PCSK5: variants seen among roughly 807,000 people sequenced by gnomAD.
PCSK5 encodes the protein prohormone convertase 5.
PCSK5 carries 129 observed loss-of-function variants against 233.2 expected under a neutral mutation model. The observed-to-expected ratio is 0.55, with a 90% CI of 0.48 to 0.64. PCSK5 has a LOEUF of 0.64. Ranked by LOEUF, PCSK5 falls within the 30% of genes least tolerant of loss-of-function variation. PCSK5 has a pLI of 0.00. For missense variants in PCSK5, 2,076 were observed against 2,430.1 expected (o/e 0.85, Z 3.06); for synonymous variants, 825 against 879.2 (o/e 0.94, Z 1.09).
intron 10 of PCSK5, among the ~76,000 whole-genome samples, chr9:76,152,239 A>T (rs1183623054): frequency 6.6e-6 from 1 of 152,160 alleles, no homozygotes; most frequent in Non-Finnish European, 1.5e-5. Flanking sequence ...CCCAGGAATG[A>T]GGGAATTCCC....
chr9:76,058,148 C>A (rs1290634092), intron 5 of PCSK5, among the ~76,000 whole-genome samples: 1 of 152,166 alleles, frequency 6.6e-6, no homozygotes, highest in Non-Finnish European at 1.5e-5. Context: ...CATGCCCGAC[C>A]TTAAGGGACT....
At chr9:75,898,692 G>A (rs1380327551) in intron 1 of PCSK5, among the ~76,000 whole-genome samples, 1 of 150,604 alleles carries the variant, frequency 6.6e-6, no homozygotes, top group African/African-American at 2.4e-5. Context: ...CTAGAGATCA[G>A]GTTTTATAGG....
At chr9:76,083,170 T>C (rs926365974) in intron 7 of PCSK5, among the ~76,000 whole-genome samples, 3 of 137,476 alleles carry the variant, frequency 2.2e-5, no homozygotes, top group Non-Finnish European at 4.5e-5. Context: ...AATTGGGCCA[T>C]TGCACTCCAG....
At position 76,078,566 on chromosome 9, in the gene PCSK5, T is replaced by G. The variant is rs150369500; in HGVS notation, c.894+6668T>G. Among the ~76,000 whole-genome samples the G allele has an allele frequency of 4.3e-3, 650 of 152,308 alleles. 6 individuals are homozygous for G. The highest frequency in any genetic ancestry group is 0.014 in the South Asian group (69 of 4,830). On this transcript the variant is annotated intron_variant, in intron 7 of 37. Transcript: ENST00000674117. ...CTCTATTACTTATCCCAGCGCCATT[T>G]ATTGAATAAGGAGTCCTTTCTCTAT...
Position 76,282,145 on chromosome 9 carries a change from T to TTTTTC in PCSK5, c.3143-10086_3143-10085insTTCTT, listed in dbSNP as rs1286020691. 8.2e-4 allele frequency among the ~76,000 whole-genome samples: 81 copies of TTTTTC among 98,984 alleles called. 17 individuals are homozygous for TTTTTC. Among genetic ancestry groups the TTTTTC allele is most frequent in the East Asian group, 3.2e-3 (8 of 2,480 alleles). 64.9% of individuals were successfully genotyped at this position (98,984 alleles called of 152,430 possible). A position where few individuals can be genotyped will look rare whatever the true frequency, so the allele number is the denominator to read the frequency against. On this transcript the variant is annotated intron_variant, in intron 24 of 37. Coordinates refer to ENST00000674117, the MANE Select transcript of PCSK5 (RefSeq NM_001372043.1). ...CTTTTTTTTTTTTTTTTTTTTTTTTTTTCGCTCTGTTGCCCAGGCTGGAGC... is the reference window on the plus strand; with the variant it reads ...CTTTTTTTTTTTTTTTTTTTTTTTTTTTTTCTTCGCTCTGTTGCCCAGGCTGGAGC...
At chr9:76,223,535 G>A (rs1425223318) in intron 20 of PCSK5, among the ~76,000 whole-genome samples, 1 of 152,146 alleles carries the variant, frequency 6.6e-6, no homozygotes, top group African/African-American at 2.4e-5. Flanking sequence ...TTTAAGCTGT[G>A]TCTTCAACTT....
chr9:76,308,513 T>G, intron 28 of PCSK5, 132 bp from the exon 29 acceptor site: 1 of 676,428 alleles, frequency 1.5e-6, no homozygotes, highest in Non-Finnish European at 2.6e-6. Flanking sequence ...AACAATCAGC[T>G]CATGTACAAT....
intron 2 of PCSK5, among the ~76,000 whole-genome samples, chr9:75,935,952 C>G (rs2131290955): frequency 6.6e-6 from 1 of 152,240 alleles, no homozygotes; most frequent in Middle Eastern, 3.4e-3. Context: ...ACAAGCACAC[C>G]TCAGAGATAG....
In PCSK5 at chr9:76,239,196, C is replaced by A. The variant is rs767361091; in HGVS notation, c.3073+31C>A. 3.3e-6 allele frequency: 5 copies of A among 1,519,096 alleles called. No individual in the cohort carries two copies. In the Admixed American group the frequency reaches 7.8e-5, roughly 24 times the overall value. The allele number at this position is 1,519,096 out of a possible 1,614,324, so 94.1% of individuals were successfully genotyped here. A position where few individuals can be genotyped will look rare whatever the true frequency, so the allele number is the denominator to read the frequency against. ...CCTGCTCCTGGGCCCTTGCCCAGCACCCGAACATGGGAGGAGGGGCTGCAC... is the reference window on the plus strand; with the variant it reads ...CCTGCTCCTGGGCCCTTGCCCAGCAACCGAACATGGGAGGAGGGGCTGCAC... On this transcript the variant is annotated intron_variant, in intron 23 of 37. Transcript: ENST00000674117.
In PCSK5 at chr9:76,282,145, T is replaced by TTTTTTTTTTTTTTTTTTTTC. The variant is rs1286020691; in HGVS notation, c.3143-10086_3143-10085insTTTTTTTTTTTTTTTTTCTT. Among the ~76,000 whole-genome samples, 214 of 98,988 alleles carry TTTTTTTTTTTTTTTTTTTTC rather than the reference T, an allele frequency of 2.2e-3. 52 individuals are homozygous for TTTTTTTTTTTTTTTTTTTTC. Among genetic ancestry groups the TTTTTTTTTTTTTTTTTTTTC allele is most frequent in the Middle Eastern group, 0.012 (2 of 168 alleles). The allele number at this position is 98,988 out of a possible 152,430, so 64.9% of individuals were successfully genotyped here. ...CTTTTTTTTTTTTTTTTTTTTTTTT[T>TTTTTTTTTTTTTTTTTTTTC]TTCGCTCTGTTGCCCAGGCTGGAGC... On this transcript the variant is annotated intron_variant, in intron 24 of 37. Transcript: ENST00000674117.
In PCSK5 at chr9:76,259,308, G is replaced by A. The variant is rs960495473; in HGVS notation, c.3142+18624G>A. Among the ~76,000 whole-genome samples the A allele has an allele frequency of 4.6e-5, 7 of 152,256 alleles. No individual in the cohort carries two copies. The East Asian group carries it at 1.4e-3, about 29-fold the overall frequency. On this transcript the variant is annotated intron_variant, in intron 24 of 37. Transcript: ENST00000674117. ...TAGCCCATTCTTGCCCCAGGGCCCT[G>A]CACTAGCTATTCCCTCTACTTGGAA... is the stretch of plus-strand genomic sequence containing the variant.
At chr9:76,342,383 T>C (rs372824966) in intron 35 of PCSK5, among the ~76,000 whole-genome samples, 3 of 151,422 alleles carry the variant, frequency 2.0e-5, no homozygotes, top group Admixed American at 6.6e-5. Context: ...TCTAATCCTC[T>C]TTTTTTTTCC....
intron 24 of PCSK5, among the ~76,000 whole-genome samples, chr9:76,282,783 A>C (rs7876022): frequency 0.13 from 19,931 of 152,134 alleles, 1,813 homozygotes; most frequent in African/African-American, 0.26. Flanking sequence ...CCCATCTCCC[A>C]TAGTAGTCCC....
chr9:76,166,676 G>T (rs1318543607), intron 12 of PCSK5, among the ~76,000 whole-genome samples: 2 of 152,202 alleles, frequency 1.3e-5, no homozygotes, highest in African/African-American at 2.4e-5. Flanking sequence ...GGCACTCTTG[G>T]AGAGGTATTA....
intron 20 of PCSK5, among the ~76,000 whole-genome samples, chr9:76,207,942 A>G (rs1197363187): frequency 6.6e-6 from 1 of 152,136 alleles, no homozygotes; most frequent in Non-Finnish European, 1.5e-5. Context: ...GTCTAAGATC[A>G]AGCAGCTGCA....
chr9:76,215,636 T>A (rs1322910881), intron 20 of PCSK5, among the ~76,000 whole-genome samples: 1 of 151,520 alleles, frequency 6.6e-6, no homozygotes, highest in Non-Finnish European at 1.5e-5. Flanking sequence ...TAATGGAGAG[T>A]GGAGGCCAGG....
At chr9:75,977,050 A>C (rs1371363080) in intron 2 of PCSK5, among the ~76,000 whole-genome samples, 1 of 152,194 alleles carries the variant, frequency 6.6e-6, no homozygotes, top group East Asian at 1.9e-4. Context: ...CATAGGTTTC[A>C]TTGAGTTGAT....
At chr9:75,916,281 G>T (rs1418012650) in intron 1 of PCSK5, among the ~76,000 whole-genome samples, 1 of 152,162 alleles carries the variant, frequency 6.6e-6, no homozygotes. Flanking sequence ...GAAAAATCTT[G>T]TTTCTTTCTC....
At chr9:75,991,793 G>A (rs1826778054) in intron 3 of PCSK5, among the ~76,000 whole-genome samples, 1 of 152,172 alleles carries the variant, frequency 6.6e-6, no homozygotes, top group Non-Finnish European at 1.5e-5. Context: ...GAGAGGTGAA[G>A]TAAGACTCTT....
Sources: allele counts gnomAD v4.1 joint callset (sites outside exome capture counted in the v4.1 genomes callset), GRCh38; gene constraint gnomAD v4.1.1; transcripts MANE v1.5; gene names NCBI Gene and HGNC (gene_info 2026-07-23, HGNC 2026-07-21).